NAALADL2: variants seen among roughly 807,000 people sequenced by gnomAD.
NAALADL2 encodes the protein N-acetylated alpha-linked acidic dipeptidase like 2, also known as inactive N-acetylated-alpha-linked acidic dipeptidase-like protein 2.
In NAALADL2, 76 loss-of-function variants were observed where a neutral mutation model predicts 87.2. That is an observed-to-expected ratio of 0.87 (90% CI 0.72 to 1.05). NAALADL2 has a LOEUF of 1.05. Among genes scored for constraint, NAALADL2 ranks in the 50% least tolerant of loss-of-function variants. The pLI, the probability that NAALADL2 is intolerant of heterozygous loss-of-function variation, is 0.00. For missense variants in NAALADL2, 1,089 were observed against 945.8 expected (o/e 1.15, Z -1.99); for synonymous variants, 354 against 331.0 (o/e 1.07, Z -0.75).
At chr3:174,967,668 A>G (rs1579774538) in intron 1 of NAALADL2, among the ~76,000 whole-genome samples, 2 of 152,296 alleles carry the variant, frequency 1.3e-5, no homozygotes, top group East Asian at 3.9e-4. Context: ...GTGTAAAGAG[A>G]GAAAGGGGAC....
intron 2 of NAALADL2, among the ~76,000 whole-genome samples, chr3:175,201,744 T>G (rs1318389595): frequency 6.6e-6 from 1 of 151,730 alleles, no homozygotes; most frequent in Non-Finnish European, 1.5e-5. Context: ...CACTTAAGTA[T>G]CATTGCTTTG....
intron 1 of NAALADL2, among the ~76,000 whole-genome samples, chr3:175,045,067 C>G (rs1236575301): frequency 6.6e-6 from 1 of 151,864 alleles, no homozygotes; most frequent in Non-Finnish European, 1.5e-5. Flanking sequence ...ACACTGTTTT[C>G]TAACATAAAA....
intron 2 of NAALADL2, among the ~76,000 whole-genome samples, chr3:175,157,288 T>G (rs898745132): frequency 6.6e-6 from 1 of 152,126 alleles, no homozygotes; most frequent in Admixed American, 6.6e-5. Context: ...ATTTTGTAGT[T>G]GTAAAAGCTG....
chr3:174,863,134 G>A (rs73041783), intron 1 of NAALADL2, among the ~76,000 whole-genome samples: 2,662 of 152,222 alleles, frequency 0.017, 69 homozygotes, highest in African/African-American at 0.06. Flanking sequence ...GAGTAACAGA[G>A]ATCCTATGAA....
At chr3:175,242,375 CACTT>C (rs1747079523) in intron 3 of NAALADL2, 1 of 152,098 alleles carries the variant, frequency 6.6e-6, no homozygotes, top group African/African-American at 2.4e-5. Flanking sequence ...TTACAAATAA[CACTT>C]ACCTCATTTC....
chr3:174,506,269 C>T lies in NAALADL2; in HGVS notation c.-183-44300C>T, dbSNP rs537310323. ...GATCTTGGCTCACTGCAACCTCCAC[C>T]TCCCAGGCTCAAGTGATTCTCCTGT... is the stretch of plus-strand genomic sequence containing the variant. On this transcript the variant is annotated intron_variant, in intron 1 of 3. Transcript: ENST00000434257. Among the ~76,000 whole-genome samples the T allele has an allele frequency of 2.0e-3, 302 of 151,760 alleles. 2 individuals are homozygous for T. Among genetic ancestry groups the T allele is most frequent in the Middle Eastern group, 6.8e-3 (2 of 294 alleles).
chr3:175,640,873 G>A (rs1203675232), intron 11 of NAALADL2, among the ~76,000 whole-genome samples: 1 of 152,106 alleles, frequency 6.6e-6, no homozygotes, highest in Non-Finnish European at 1.5e-5. Context: ...TTTAATTTAT[G>A]TCCCAATAAG....
chr3:175,188,018 G>A (rs1251487603), intron 2 of NAALADL2, among the ~76,000 whole-genome samples: 1 of 152,130 alleles, frequency 6.6e-6, no homozygotes, highest in Non-Finnish European at 1.5e-5. Flanking sequence ...TATGCTGTTA[G>A]CCGTTGTGGA....
At chr3:175,351,855 C>T (rs538431067) in intron 5 of NAALADL2, among the ~76,000 whole-genome samples, 6 of 151,838 alleles carry the variant, frequency 4.0e-5, no homozygotes, top group South Asian at 2.1e-4. Flanking sequence ...TTGGGGGTGG[C>T]GAATGTGTTT....
intron 2 of NAALADL2, among the ~76,000 whole-genome samples, chr3:175,100,856 A>AAAAC (rs1553773984): frequency 2.0e-5 from 3 of 151,340 alleles, no homozygotes; most frequent in African/African-American, 7.3e-5. Context: ...AAAAAAAAAA[A>AAAAC]AAAAATTGCA....
At chr3:174,470,328 C>T (rs1338433959) in intron 1 of NAALADL2, among the ~76,000 whole-genome samples, 1 of 152,008 alleles carries the variant, frequency 6.6e-6, no homozygotes, top group Non-Finnish European at 1.5e-5. Context: ...CGTTCTTTGC[C>T]TACTTTTTTA....
intron 11 of NAALADL2, among the ~76,000 whole-genome samples, chr3:175,649,103 A>G (rs1730404173): frequency 6.6e-6 from 1 of 152,134 alleles, no homozygotes; most frequent in Admixed American, 6.5e-5. Context: ...TATTTTAAAA[A>G]TCCTGCAGAT....
intron 9 of NAALADL2, among the ~76,000 whole-genome samples, chr3:175,512,582 T>C (rs1731310275): frequency 2.0e-5 from 3 of 152,162 alleles, no homozygotes; most frequent in African/African-American, 2.4e-5. Flanking sequence ...CAGATCTGCT[T>C]TTCCACGATT....
At chr3:175,307,714 T>C (rs1757888518) in intron 4 of NAALADL2, among the ~76,000 whole-genome samples, 3 of 152,184 alleles carry the variant, frequency 2.0e-5, no homozygotes, top group Non-Finnish European at 4.4e-5. Context: ...AATTGAACAT[T>C]GTGGATTTCT....
At chr3:174,677,044 A>G (rs1727103819) in intron 2 of NAALADL2, among the ~76,000 whole-genome samples, 1 of 151,858 alleles carries the variant, frequency 6.6e-6, no homozygotes, top group South Asian at 2.1e-4. Context: ...TCATATTTTA[A>G]TAATATCCTG....
chr3:174,664,296 G>T (rs564736242), intron 2 of NAALADL2, among the ~76,000 whole-genome samples: 1 of 152,256 alleles, frequency 6.6e-6, no homozygotes, highest in East Asian at 1.9e-4. Context: ...AACAATTAAT[G>T]GCCTTCTATT....
At chr3:175,091,239 A>G (rs980642259) in intron 1 of NAALADL2, among the ~76,000 whole-genome samples, 2 of 152,152 alleles carry the variant, frequency 1.3e-5, no homozygotes, top group African/African-American at 4.8e-5. Flanking sequence ...TCACTGTTGC[A>G]GTACCTAAAG....
At position 174,626,835 on chromosome 3, in the gene NAALADL2, A is replaced by G. The variant is rs191391626; in HGVS notation, c.-115+76198A>G. On this transcript the variant is annotated intron_variant, in intron 2 of 3. Transcript: ENST00000434257. Reference sequence around the variant, plus strand: ...TGAACATTCAGGATTCTTAATACCAATTTTAGAATAATGGTCTTAAGCAAG... The same window carrying G: ...TGAACATTCAGGATTCTTAATACCAGTTTTAGAATAATGGTCTTAAGCAAG... Among the ~76,000 whole-genome samples the G allele has an allele frequency of 2.0e-5, 3 of 152,166 alleles. No homozygotes were observed. In the East Asian group the frequency reaches 5.8e-4, roughly 29 times the overall value.
chr3:175,354,410 A>G (rs1403165687), intron 5 of NAALADL2, among the ~76,000 whole-genome samples: 2 of 152,160 alleles, frequency 1.3e-5, no homozygotes, highest in Admixed American at 6.5e-5. Context: ...ATAATATTTA[A>G]TAAAATCTTA....
Sources: allele counts gnomAD v4.1 joint callset (sites outside exome capture counted in the v4.1 genomes callset), GRCh38; gene constraint gnomAD v4.1.1; transcripts MANE v1.5; gene names NCBI Gene and HGNC (gene_info 2026-07-23, HGNC 2026-07-21).